TCF12: variants seen among roughly 807,000 people sequenced by gnomAD.
TCF12 encodes transcription factor 12.
Under a neutral mutation model 86.0 loss-of-function variants are expected in TCF12, and 45 were observed. That is an observed-to-expected ratio of 0.52 (90% CI 0.41 to 0.67). TCF12 has a LOEUF of 0.67. TCF12 is among the 30% of genes least tolerant of loss of function. TCF12 has a pLI of 0.00. For synonymous variants in TCF12, 330 were observed against 299.6 expected (o/e 1.10, Z -1.05); for missense variants, 881 against 859.9 (o/e 1.02, Z -0.31).
At chr15:57,018,781 A>G (rs1419230642) in intron 3 of TCF12, among the ~76,000 whole-genome samples, 21 of 152,192 alleles carry the variant, frequency 1.4e-4, no homozygotes, top group African/African-American at 5.1e-4. Flanking sequence ...TCCTCAGATA[A>G]AAGTTCTTTT....
chr15:57,181,581 C>T (rs1315118977), intron 6 of TCF12, among the ~76,000 whole-genome samples: 1 of 152,152 alleles, frequency 6.6e-6, no homozygotes, highest in Non-Finnish European at 1.5e-5. Flanking sequence ...AGTCTACCTA[C>T]TACTTTATTC....
chr15:57,205,861 AAG>A (rs1267372740), intron 8 of TCF12, among the ~76,000 whole-genome samples: 2 of 152,224 alleles, frequency 1.3e-5, no homozygotes, highest in Non-Finnish European at 2.9e-5. Flanking sequence ...TCAAACCAAA[AAG>A]CAGAAGGAAA....
At chr15:57,290,060 T>C (rs1597952436), downstream of TCF12, among the ~76,000 whole-genome samples, 1 of 150,990 alleles carries the variant, frequency 6.6e-6, no homozygotes, top group Non-Finnish European at 1.5e-5. Context: ...AAAGAGTGAG[T>C]CTGGCTGGGC....
intron 3 of TCF12, among the ~76,000 whole-genome samples, chr15:56,989,193 A>G (rs7162194): frequency 0.25 from 37,280 of 151,992 alleles, 5,364 homozygotes; most frequent in East Asian, 0.4. Context: ...TTAGATTTTA[A>G]CATTAGAAAA....
intron 5 of TCF12, chr15:57,129,918 C>A (rs1218061785): frequency 4.6e-5 from 7 of 152,252 alleles, no homozygotes; most frequent in African/African-American, 1.7e-4. Context: ...ACTGTACTCC[C>A]CCAACAACCC....
At chr15:56,921,544 T>C (rs1178016851) in intron 3 of TCF12, among the ~76,000 whole-genome samples, 1 of 152,082 alleles carries the variant, frequency 6.6e-6, no homozygotes, top group Non-Finnish European at 1.5e-5. Flanking sequence ...ATGCATTTTT[T>C]CTTTTTTTAA....
chr15:57,013,036 T>C (rs2064929321), intron 3 of TCF12, among the ~76,000 whole-genome samples: 1 of 142,768 alleles, frequency 7.0e-6, no homozygotes, highest in Non-Finnish European at 1.5e-5. Context: ...ATACCGCAGA[T>C]TTTTTTTTTT....
chr15:56,975,173 A>G (rs1413094687), intron 3 of TCF12, among the ~76,000 whole-genome samples: 19 of 152,148 alleles, frequency 1.2e-4, no homozygotes, highest in African/African-American at 4.6e-4. Flanking sequence ...TGTGATTAGT[A>G]GATTAAGTTC....
At chr15:57,209,144 A>G (rs2703599) in intron 8 of TCF12, among the ~76,000 whole-genome samples, 38,860 of 152,158 alleles carry the variant, frequency 0.26, 5,088 homozygotes, top group African/African-American at 0.29. Flanking sequence ...ATAATAGGAA[A>G]CATCACCTGT....
At chr15:57,020,215 G>A (rs530034800) in intron 3 of TCF12, among the ~76,000 whole-genome samples, 31 of 152,324 alleles carry the variant, frequency 2.0e-4, no homozygotes, top group African/African-American at 6.3e-4. Flanking sequence ...CCTTATTTAC[G>A]TAGCATAGTC....
Position 57,115,580 on chromosome 15 carries a change from A to C in TCF12, c.325+23689A>C, listed in dbSNP as rs1456407030. ...TGTAGGCAGATTTTTAGGAAAGGTC[A>C]TACTGTCTATTTTTGCCTAGATTTT... On this transcript the variant is annotated intron_variant, in intron 5 of 20. Transcript: ENST00000333725. 2.0e-5 allele frequency among the ~76,000 whole-genome samples: 3 copies of C among 152,348 alleles called. No individual in the cohort carries two copies. The South Asian group carries it at 6.2e-4, about 32-fold the overall frequency.
intron 8 of TCF12, among the ~76,000 whole-genome samples, chr15:57,206,755 C>G (rs925827187): frequency 2.0e-5 from 3 of 151,332 alleles, no homozygotes; most frequent in Non-Finnish European, 4.4e-5. Flanking sequence ...AGACACTTAA[C>G]TTAAACTTAG....
At chr15:57,126,901 T>G (rs1335257367) in intron 5 of TCF12, among the ~76,000 whole-genome samples, 1 of 152,184 alleles carries the variant, frequency 6.6e-6, no homozygotes, top group Non-Finnish European at 1.5e-5. Context: ...GGAACATGGG[T>G]AGGGTCCTTT....
At chr15:57,149,732 A>C (rs544513862) in intron 5 of TCF12, among the ~76,000 whole-genome samples, 1 of 152,198 alleles carries the variant, frequency 6.6e-6, no homozygotes, top group Non-Finnish European at 1.5e-5. Context: ...TGTAGATCCA[A>C]CTTTTCAGGT....
At position 57,070,162 on chromosome 15, in the gene TCF12, A is replaced by G. The variant is rs535623716; in HGVS notation, c.222+6339A>G. ...TTAAAATACTTGATTTAGCTGCTGTATATGATTCAGCACAAGATGATATCC... is the reference window on the plus strand; with the variant it reads ...TTAAAATACTTGATTTAGCTGCTGTGTATGATTCAGCACAAGATGATATCC... On this transcript the variant is annotated intron_variant, in intron 4 of 20. Transcript: ENST00000333725. 8.5e-5 allele frequency among the ~76,000 whole-genome samples: 13 copies of G among 152,226 alleles called. No homozygotes were observed. In the East Asian group the frequency reaches 2.1e-3, roughly 25 times the overall value.
At chr15:56,952,893 A>C (rs1213066807) in intron 3 of TCF12, among the ~76,000 whole-genome samples, 1 of 152,074 alleles carries the variant, frequency 6.6e-6, no homozygotes, top group Non-Finnish European at 1.5e-5. Flanking sequence ...CTCCAGTACA[A>C]TTTTAAATAG....
At chr15:56,961,348 A>G (rs2061743293) in intron 3 of TCF12, among the ~76,000 whole-genome samples, 2 of 152,190 alleles carry the variant, frequency 1.3e-5, no homozygotes, top group Admixed American at 6.5e-5. Flanking sequence ...TACCTAGAAA[A>G]AAACTCTTAA....
At chr15:57,070,863 G>C (rs1188635995) in intron 4 of TCF12, among the ~76,000 whole-genome samples, 1 of 152,144 alleles carries the variant, frequency 6.6e-6, no homozygotes, top group Non-Finnish European at 1.5e-5. Context: ...ATTTACATTT[G>C]ACAGCAGATG....
At chr15:57,227,534 A>T (rs1330701808) in intron 8 of TCF12, among the ~76,000 whole-genome samples, 1 of 152,178 alleles carries the variant, frequency 6.6e-6, no homozygotes, top group Non-Finnish European at 1.5e-5. Flanking sequence ...CCCAAAGTAT[A>T]CTATCCCTTT....
Sources: gnomAD v4.1 joint callset for allele counts (sites outside exome capture counted in the v4.1 genomes callset) on GRCh38, gnomAD v4.1.1 for gene constraint, MANE v1.5 for transcripts, NCBI Gene and HGNC (gene_info 2026-07-23, HGNC 2026-07-21) for gene names.